Variants in SYTL2 observed in about 807,000 individuals in gnomAD.
SYTL2 encodes synaptotagmin-like protein 2.
A neutral mutation model predicts 198.7 loss-of-function variants in SYTL2; 165 were observed. That is an observed-to-expected ratio of 0.83 (90% CI 0.73 to 0.94). The LOEUF is 0.94. SYTL2 is among the 40% of genes least tolerant of loss of function. SYTL2 has a pLI of 0.00. For synonymous variants in SYTL2, 966 were observed against 917.7 expected (o/e 1.05, Z -0.95); for missense variants, 2,835 against 2,582.8 (o/e 1.10, Z -2.12).
intron 15 of SYTL2, among the ~76,000 whole-genome samples, chr11:85,706,948 C>G (rs148821197): frequency 0.019 from 2,934 of 152,224 alleles, 100 homozygotes; most frequent in African/African-American, 0.068. Context: ...TCAAGTCATT[C>G]TCCTGCCTCA....
At chr11:85,754,436 G>A (rs2153542419) in intron 2 of SYTL2, among the ~76,000 whole-genome samples, 1 of 152,266 alleles carries the variant, frequency 6.6e-6, no homozygotes, top group East Asian at 1.9e-4. Context: ...GGAGGTATAG[G>A]TAGAGTGGTG....
chr11:85,737,089 C>T (rs1369515656), intron 5 of SYTL2, among the ~76,000 whole-genome samples: 1 of 152,118 alleles, frequency 6.6e-6, no homozygotes, highest in African/African-American at 2.4e-5. Context: ...GCTTCATAGT[C>T]ATTATTATTA....
intron 1 of SYTL2, among the ~76,000 whole-genome samples, chr11:85,786,436 A>T (rs1037796782): frequency 4.6e-5 from 7 of 152,240 alleles, no homozygotes; most frequent in African/African-American, 1.7e-4. Flanking sequence ...CTATGCCAAT[A>T]TCTGAGTTGT....
intron 2 of SYTL2, among the ~76,000 whole-genome samples, chr11:85,749,259 A>G (rs1173262311): frequency 6.6e-6 from 1 of 152,234 alleles, no homozygotes; most frequent in Admixed American, 6.5e-5. Context: ...TAAAAAAATC[A>G]CAAAATCTCT....
rs746719059 is a variant in SYTL2 at position 85,718,856 on chromosome 11, A to C, written c.5429-13T>G. On this transcript the variant is annotated splice_polypyrimidine_tract_variant and intron_variant, in intron 9 of 19. Transcript: ENST00000359152. ...ACTTTTGCTTGATCTGTTCAGAAGAAATTAACAAATGGTTAACATGGCTGA... is the reference window on the plus strand; with the variant it reads ...ACTTTTGCTTGATCTGTTCAGAAGACATTAACAAATGGTTAACATGGCTGA... 6.2e-6 allele frequency: 10 copies of C among 1,613,270 alleles called. No homozygotes were observed. Among genetic ancestry groups the C allele is most frequent in the Non-Finnish European group, 5.9e-6 (7 of 1,179,540 alleles).
chr11:85,847,167 C>A, the SYTL2 span, among the ~76,000 whole-genome samples: 3 of 152,202 alleles, frequency 2.0e-5, no homozygotes, highest in Non-Finnish European at 4.4e-5. Context: ...AATCAAGATA[C>A]AGAGCATTTC....
chr11:85,834,153 C>A, the SYTL2 span, among the ~76,000 whole-genome samples: 1 of 151,942 alleles, frequency 6.6e-6, no homozygotes, highest in Non-Finnish European at 1.5e-5. Context: ...AATATAGAAT[C>A]AGAACTACAA....
At chr11:85,842,054 G>T in the SYTL2 span, among the ~76,000 whole-genome samples, 1 of 152,180 alleles carries the variant, frequency 6.6e-6, no homozygotes, top group Non-Finnish European at 1.5e-5. Flanking sequence ...CTAGGCAATG[G>T]TGGTATAATG....
In SYTL2 at chr11:85,695,211, G is replaced by T. The variant is rs1226379337; in HGVS notation, c.6704C>A (p.Ala2235Asp). 3.1e-6 allele frequency: 5 copies of T among 1,611,714 alleles called. No individual in the cohort carries two copies. The highest frequency in any genetic ancestry group is 4.2e-6 in the Non-Finnish European group (5 of 1,178,628). Reference protein sequence around the residue: ...ATLPLRMLLIAKISK With the variant: ...ATLPLRMLLIDKISK Reference sequence around the variant, plus strand: ...AATTTGGGCTCATTTGGAAATCTTGGCAATCAAAAGCATTCTGAGAGGCAG... The same window carrying T: ...AATTTGGGCTCATTTGGAAATCTTGTCAATCAAAAGCATTCTGAGAGGCAG... Residue 2235 changes from alanine to aspartate, a missense_variant, in exon 20 of 20, where the codon GCC (alanine) becomes GAC (aspartate). Transcript: ENST00000359152.
At chr11:85,826,914 T>C in the SYTL2 span, among the ~76,000 whole-genome samples, 1 of 152,214 alleles carries the variant, frequency 6.6e-6, no homozygotes, top group Non-Finnish European at 1.5e-5. Flanking sequence ...GAAAGTTCTG[T>C]GAAAAACAGG....
At chr11:85,751,951 A>G (rs1053432280) in intron 2 of SYTL2, among the ~76,000 whole-genome samples, 4 of 152,194 alleles carry the variant, frequency 2.6e-5, no homozygotes, top group African/African-American at 9.7e-5. Context: ...CTAACTGTCA[A>G]TGTCAACTCC....
At chr11:85,730,915 T>C (rs2089748042) in intron 7 of SYTL2, among the ~76,000 whole-genome samples, 3 of 152,182 alleles carry the variant, frequency 2.0e-5, no homozygotes, top group South Asian at 4.1e-4. Flanking sequence ...ACAAAATCAA[T>C]GTGCAAAAAT....
chr11:85,726,777 C>G lies in SYTL2; in HGVS notation c.2581G>C (p.Glu861Gln). Reference protein sequence around the residue: ...QAIPKRVVLDEDDQASQLSNS... With the variant: ...QAIPKRVVLDQDDQASQLSNS... ...GAGAGCTGGGATGCTTGATCATCCTCATCTAAGACCACTCGTTTGGGAATG... is the reference window on the plus strand; with the variant it reads ...GAGAGCTGGGATGCTTGATCATCCTGATCTAAGACCACTCGTTTGGGAATG... Residue 861 changes from glutamate (E) to glutamine (Q), a missense_variant, in exon 8 of 20, where the codon GAG becomes CAG. Physicochemically the swap from Glu to Gln is conservative, Grantham distance 29. This residue lies in a region of SYTL2 where 2,645 missense variants were observed against 2,381.7 expected (regional missense o/e 1.11). Coordinates refer to ENST00000359152, the MANE Select transcript of SYTL2 (RefSeq NM_206927.4). 6.5e-7 allele frequency: 1 copy of G among 1,536,166 alleles called. No individual in the cohort carries two copies. Among genetic ancestry groups the G allele is most frequent in the Non-Finnish European group, 8.7e-7 (1 of 1,146,874 alleles).
chr11:85,716,930 T>G (rs1316523811), intron 11 of SYTL2: 1 of 152,264 alleles, frequency 6.6e-6, no homozygotes, highest in African/African-American at 2.4e-5. Flanking sequence ...TTAGATTCAC[T>G]TGTTCACTTG....
At chr11:85,767,150 A>G (rs2092258854) in intron 1 of SYTL2, among the ~76,000 whole-genome samples, 1 of 152,244 alleles carries the variant, frequency 6.6e-6, no homozygotes, top group African/African-American at 2.4e-5. Flanking sequence ...ACATGAAACA[A>G]AGTAACAGTC....
intron 4 of SYTL2, among the ~76,000 whole-genome samples, chr11:85,739,129 A>T (rs944517513): frequency 3.3e-5 from 5 of 152,138 alleles, no homozygotes; most frequent in Non-Finnish European, 7.3e-5. Flanking sequence ...TATCTCAAAC[A>T]TCTTTATATC....
intron 9 of SYTL2, 190 bp from the exon 10 acceptor site, chr11:85,719,033 C>CTCCCA: frequency 6.6e-7 from 1 of 1,522,688 alleles, no homozygotes; most frequent in Non-Finnish European, 8.8e-7. Flanking sequence ...ATAGCGGGAG[C>CTCCCA]TCCCATTTCA....
At position 85,734,709 on chromosome 11, in the gene SYTL2, A is replaced by T. The variant is rs372274810; in HGVS notation, c.620T>A (p.Val207Asp). The part of the protein sequence containing the change: ...ELSESKEKST[V>D]ADTSIQKLEK... ...TAACTTTTGGATTGAAGTATCTGCGACAGTTGACTTTTCTTTTGACTCTGA... is the reference window on the plus strand; with the variant it reads ...TAACTTTTGGATTGAAGTATCTGCGTCAGTTGACTTTTCTTTTGACTCTGA... Residue 207 changes from valine to aspartate, a missense_variant, in exon 7 of 20, where the codon GTC becomes GAC. By Grantham distance (152) the Val-to-Asp change is radical. This residue lies in a region of SYTL2 where 2,645 missense variants were observed against 2,381.7 expected (regional missense o/e 1.11). Transcript: ENST00000359152. 7.4e-6 allele frequency: 12 copies of T among 1,613,280 alleles called. No homozygotes were observed. The highest frequency in any genetic ancestry group is 8.5e-6 in the Non-Finnish European group (10 of 1,179,834).
intron 5 of SYTL2, 141 bp from the exon 6 acceptor site, chr11:85,736,756 G>C: frequency 1.6e-6 from 1 of 616,136 alleles, no homozygotes; most frequent in Non-Finnish European, 2.8e-6. Flanking sequence ...CAGTTGTCCT[G>C]ATTAATCTGC....
Sources: allele counts gnomAD v4.1 joint callset (sites outside exome capture counted in the v4.1 genomes callset), GRCh38; gene constraint gnomAD v4.1.1; regional missense constraint gnomAD v4.1.1; transcripts MANE v1.5; gene names NCBI Gene and HGNC (gene_info 2026-07-23, HGNC 2026-07-21).